The following TLN1 variants were observed in gnomAD, a reference collection of about 807,000 sequenced individuals.
TLN1 encodes the protein talin 1.
A neutral mutation model predicts 292.3 loss-of-function variants in TLN1; 56 were observed. That is an observed-to-expected ratio of 0.19 (90% CI 0.15 to 0.24). The LOEUF is 0.24. TLN1 is among the 10% of genes least tolerant of loss of function. The pLI, the probability that TLN1 is intolerant of heterozygous loss-of-function variation, is 1.00. For synonymous variants in TLN1, 1,119 were observed against 1,253.7 expected (o/e 0.89, Z 2.27); for missense variants, 2,433 against 3,248.2 (o/e 0.75, Z 6.10).
chr9:35,704,797 G>A lies in TLN1; in HGVS notation c.5752C>T (p.His1918Tyr). Reference sequence around the variant, plus strand: ...CCATGGCCCAGCTCCTGTACCCGGTGTTTGATATGGGAACCTATCTGTGAG... The same window carrying A: ...CCATGGCCCAGCTCCTGTACCCGGTATTTGATATGGGAACCTATCTGTGAG... ...ENEEIGSHIKHRVQELGHGCA... is the reference protein window; with the variant it reads ...ENEEIGSHIKYRVQELGHGCA... The change falls in exon 44 of 57, where the codon CAC (histidine) becomes TAC (tyrosine). Residue 1918 changes from histidine to tyrosine, a missense_variant. This residue lies in a region of TLN1 where 1,384 missense variants were observed against 1,699.6 expected (regional missense o/e 0.81). Transcript: ENST00000314888. This position sits in a 1 kb window ranked among gnomAD's most constrained non-coding sequence, Gnocchi z 6.9. 1 of 1,614,026 alleles carries A rather than the reference G, an allele frequency of 6.2e-7. No homozygotes were observed. Among genetic ancestry groups the A allele is most frequent in the Non-Finnish European group, 8.5e-7 (1 of 1,179,900 alleles).
intron 20 of TLN1, 137 bp from the exon 21 acceptor site, chr9:35,715,324 C>T (rs1006554129): frequency 8.0e-7 from 1 of 1,249,668 alleles, no homozygotes; most frequent in Non-Finnish European, 1.1e-6. Flanking sequence ...CACCAAAAGG[C>T]AATCACCTTT....
intron 8 of TLN1, among the ~76,000 whole-genome samples, chr9:35,722,636 A>C (rs750610963): frequency 1.3e-5 from 2 of 152,256 alleles, no homozygotes; most frequent in East Asian, 3.8e-4. Flanking sequence ...GGTAAATAAA[A>C]GATTACAAGA....
rs28664652 is a variant in TLN1 at position 35,706,337 on chromosome 9, C to T, written c.5220G>A (p.Pro1740=). Reference sequence around the variant, plus strand: ...CAGCACCCACTGCAGCCAGGGTGAGCGGCTCAAAGTACTGCGCCATCTGGG... The same window carrying T: ...CAGCACCCACTGCAGCCAGGGTGAGTGGCTCAAAGTACTGCGCCATCTGGG... ...KVSQMAQYFE[P]LTLAAVGAAS... is the part of the protein sequence containing the mutation. Residue 1740 remains proline (P), a synonymous_variant, in exon 40 of 57, where the codon CCG becomes CCA. Coordinates refer to ENST00000314888, the MANE Select transcript of TLN1 (RefSeq NM_006289.4). This position sits in a 1 kb window ranked among gnomAD's most constrained non-coding sequence, Gnocchi z 4.2. 8,652 of 1,611,074 alleles carry T rather than the reference C, an allele frequency of 5.4e-3. 375 individuals are homozygous for T. In the African/African-American group the frequency reaches 0.097, roughly 18 times the overall value.
In TLN1 at chr9:35,719,039, T is replaced by C. The variant is rs756679558; in HGVS notation, c.1896+35A>G. On this transcript the variant is annotated intron_variant, in intron 16 of 56. Coordinates refer to ENST00000314888, the MANE Select transcript of TLN1 (RefSeq NM_006289.4). This position sits in a 1 kb window ranked among gnomAD's most constrained non-coding sequence, Gnocchi z 4.6. ...GCCCCTTCTCCTTGGGCTTGAACCC[T>C]GTCTCCACCCTAACCCAAACCTGTG... is the stretch of plus-strand genomic sequence containing the variant. 4.0e-5 allele frequency: 64 copies of C among 1,601,508 alleles called. No individual in the cohort carries two copies. The highest frequency in any genetic ancestry group is 3.9e-4 in the Middle Eastern group (2 of 5,138).
Position 35,718,799 on chromosome 9 carries a change from G to C in TLN1, c.1995+13C>G. ...AGATTCTGGGGTTCTGGGGGGTTGG[G>C]TAAGTCACCAACCTGGAAGTGGGGG... On this transcript the variant is annotated intron_variant, in intron 17 of 56. Transcript: ENST00000314888. 1 of 1,608,018 alleles carries C rather than the reference G, an allele frequency of 6.2e-7. No individual in the cohort carries two copies. Among genetic ancestry groups the C allele is most frequent in the Non-Finnish European group, 8.5e-7 (1 of 1,175,016 alleles).
chr9:35,724,226 C>T lies in TLN1; in HGVS notation c.620G>A (p.Arg207Gln), dbSNP rs1322410850. The T allele has an allele frequency of 3.1e-6, 5 of 1,614,152 alleles. No homozygotes were observed. Among genetic ancestry groups the T allele is most frequent in the East Asian group, 2.2e-5 (1 of 44,888 alleles). ...CAGGAGGTTCAGCTGTACAGGGTCC[C>T]GGGAATCCACATTCTGGTCTGAGTA... Reference protein sequence around the residue: ...FFYSDQNVDSRDPVQLNLLYV... With the variant: ...FFYSDQNVDSQDPVQLNLLYV... Residue 207 changes from arginine (R) to glutamine (Q), a missense_variant, in exon 6 of 57, where the codon CGG becomes CAG. Coordinates refer to ENST00000314888, the MANE Select transcript of TLN1 (RefSeq NM_006289.4). This position sits in a 1 kb window ranked among gnomAD's most constrained non-coding sequence, Gnocchi z 4.7.
In TLN1 at chr9:35,714,250, C is replaced by A; in HGVS notation, c.3109G>T (p.Ala1037Ser). ...LGTALAELRT[A>S]AQKAQEACGP... ...ACCAGCTTCCATACCTTCTGGGCAG[C>A]CGTCCGGAGTTCAGCCAGCGCGGTG... is the stretch of plus-strand genomic sequence containing the variant. Residue 1037 changes from alanine (A) to serine (S), a missense_variant, in exon 24 of 57, where the codon GCT becomes TCT. Ala to Ser is a moderately conservative substitution (Grantham distance 99). Coordinates refer to ENST00000314888, the MANE Select transcript of TLN1 (RefSeq NM_006289.4). This position sits in a 1 kb window ranked among gnomAD's most constrained non-coding sequence, Gnocchi z 4.6. The A allele has an allele frequency of 6.2e-7, 1 of 1,609,942 alleles. No individual in the cohort carries two copies. The highest frequency in any genetic ancestry group is 1.1e-5 in the South Asian group (1 of 90,694).
Position 35,714,531 on chromosome 9 carries a change from G to C in TLN1, c.2985+43C>G. ...ACTGTGGGAGATGGAAGCTTAGAAA[G>C]GTGGGAAGGTCAGGTCAGAGAAGTG... On this transcript the variant is annotated intron_variant, in intron 23 of 56. Coordinates refer to ENST00000314888, the MANE Select transcript of TLN1 (RefSeq NM_006289.4). This position sits in a 1 kb window ranked among gnomAD's most constrained non-coding sequence, Gnocchi z 4.6. 1 of 1,597,504 alleles carries C rather than the reference G, an allele frequency of 6.3e-7. No homozygotes were observed. The highest frequency in any genetic ancestry group is 8.5e-7 in the Non-Finnish European group (1 of 1,176,296).
intron 30 of TLN1, 71 bp from the exon 31 acceptor site, chr9:35,711,153 C>G (rs1471618286): frequency 6.2e-7 from 1 of 1,610,292 alleles, no homozygotes; most frequent in East Asian, 2.2e-5. Flanking sequence ...AAGTATTTAT[C>G]TTTTGCCTAT....
chr9:35,713,106 G>T, intron 26 of TLN1, 63 bp from the exon 27 acceptor site: 1 of 1,570,758 alleles, frequency 6.4e-7, no homozygotes, highest in Middle Eastern at 2.0e-4. Flanking sequence ...TGATTCCAGT[G>T]GTTTCGTCTG....
chr9:35,712,830 C>T lies in TLN1; in HGVS notation c.3561+5G>A. On this transcript the variant is annotated splice_donor_5th_base_variant and intron_variant, in intron 27 of 56. Coordinates refer to ENST00000314888, the MANE Select transcript of TLN1 (RefSeq NM_006289.4). ...AGAGGGAGTGGCCCTTTCCCAGTAT[C>T]TGACCTGGGCAAGCCGCTGCTGGCT... The T allele has an allele frequency of 6.4e-7, 1 of 1,566,338 alleles. No homozygotes were observed. Among genetic ancestry groups the T allele is most frequent in the Non-Finnish European group, 8.7e-7 (1 of 1,153,190 alleles).
intron 12 of TLN1, 95 bp from the exon 13 acceptor site, chr9:35,720,314 T>A: frequency 6.5e-7 from 1 of 1,532,170 alleles, no homozygotes. Context: ...GAGGTCTCAC[T>A]ACAGCCTGCA....
chr9:35,725,044 G>C, intron 3 of TLN1, 85 bp from the exon 4 acceptor site: 1 of 1,595,998 alleles, frequency 6.3e-7, no homozygotes, highest in Non-Finnish European at 8.6e-7. Flanking sequence ...GGAGAGAGTG[G>C]AGCACTGAAA....
intron 25 of TLN1, 131 bp from the exon 26 acceptor site, chr9:35,713,429 A>G (rs1825712793): frequency 1.5e-6 from 1 of 659,640 alleles, no homozygotes; most frequent in South Asian, 2.3e-5. Flanking sequence ...CCCACCTATA[A>G]TCCTAGCACG....
At chr9:35,727,408 G>GT (rs1825997138) in intron 1 of TLN1, among the ~76,000 whole-genome samples, 1 of 152,136 alleles carries the variant, frequency 6.6e-6, no homozygotes. Context: ...CAGGAGGCAG[G>GT]TATGAAAATG....
At chr9:35,709,689 C>A (rs1587980746) in intron 33 of TLN1, among the ~76,000 whole-genome samples, 2 of 149,792 alleles carry the variant, frequency 1.3e-5, no homozygotes, top group East Asian at 3.9e-4. Context: ...GAGATCGAGA[C>A]CATCCTGGCT....
Position 35,711,705 on chromosome 9 carries a change from C to T in TLN1, c.3769G>A (p.Val1257Met), listed in dbSNP as rs1408864952. 5 of 1,614,020 alleles carry T rather than the reference C, an allele frequency of 3.1e-6. No homozygotes were observed. The Admixed American group carries it at 8.3e-5, about 27-fold the overall frequency. The change falls in exon 29 of 57, where the codon GTG (valine) becomes ATG (methionine). Residue 1257 changes from valine (V) to methionine (M), a missense_variant. Around this residue, in one of 7 missense-constraint regions of TLN1, gnomAD observed 1,384 missense variants for 1,699.6 expected, o/e 0.81. Transcript: ENST00000314888. ...TGAGGGGTTCCCCGAGAGGCCTGCA[C>T]CAGTTCTGTGGCTGCCTGATTCAGC... Reference protein sequence around the residue: ...AGLNQAATELVQASRGTPQDL... With the variant: ...AGLNQAATELMQASRGTPQDL...
intron 7 of TLN1, 53 bp downstream of exon 7, chr9:35,723,899 A>G (rs754020346): frequency 1.2e-6 from 2 of 1,602,530 alleles, no homozygotes; most frequent in Non-Finnish European, 1.7e-6. Flanking sequence ...CACTGGGGTC[A>G]CAATGGCAGG....
Position 35,723,970 on chromosome 9 carries a change from T to C in TLN1, c.764A>G (p.His255Arg), listed in dbSNP as rs1238971230. 1 of 1,614,134 alleles carries C rather than the reference T, an allele frequency of 6.2e-7. No homozygotes were observed. The highest frequency in any genetic ancestry group is 1.7e-5 in the Admixed American group (1 of 60,020). The change falls in exon 7 of 57, where the codon CAC becomes CGC. Residue 255 changes from histidine to arginine, a missense_variant. By Grantham distance (29) the His-to-Arg change is conservative. Transcript: ENST00000314888. ...IQFGPHNEQKHKAGFLDLKDF... is the reference protein window; with the variant it reads ...IQFGPHNEQKRKAGFLDLKDF... The stretch of plus-strand genomic sequence containing the variant: ...CACTCACTCAAGGAAGCCAGCCTTG[T>C]GCTTCTGCTCATTGTGGGGCCCAAA...
Sources: gnomAD v4.1 joint callset for allele counts (sites outside exome capture counted in the v4.1 genomes callset) on GRCh38, gnomAD v4.1.1 for gene constraint, gnomAD v4.1.1 regional missense constraint, Gnocchi (gnomAD v3.1) non-coding constraint, MANE v1.5 for transcripts, NCBI Gene and HGNC (gene_info 2026-07-23, HGNC 2026-07-21) for gene names.